Variants in MGAT4C observed in about 807,000 individuals in gnomAD.
MGAT4C encodes the protein alpha-1,3-mannosyl-glycoprotein 4-beta-N-acetylglucosaminyltransferase C.
Under a neutral mutation model 40.1 loss-of-function variants are expected in MGAT4C, and 19 were observed. That is an observed-to-expected ratio of 0.47 (90% CI 0.33 to 0.70). MGAT4C has a LOEUF of 0.70. MGAT4C is among the 30% of genes least tolerant of loss of function. The probability of loss-of-function intolerance (pLI) is 0.02; values close to 1 mark genes in which losing one functional copy is unlikely to be tolerated. For synonymous variants in MGAT4C, 181 were observed against 187.1 expected, an observed-to-expected ratio of 0.97 and a Z score of 0.27; for missense variants, 491 against 563.2, an observed-to-expected ratio of 0.87 and a Z score of 1.30.
chr12:86,115,815 A>G (rs1249613407), intron 1 of MGAT4C, among the ~76,000 whole-genome samples: 2 of 152,076 alleles, frequency 1.3e-5, no homozygotes, highest in African/African-American at 4.8e-5. Flanking sequence ...TTATTTATTG[A>G]ACATCTATCT....
intron 2 of MGAT4C, among the ~76,000 whole-genome samples, chr12:86,535,741 AC>A (rs532098808): frequency 6.6e-6 from 1 of 152,086 alleles, no homozygotes; most frequent in Non-Finnish European, 1.5e-5. Flanking sequence ...AAATGCAAAT[AC>A]CTACATAAAT....
intron 1 of MGAT4C, among the ~76,000 whole-genome samples, chr12:86,799,535 T>G (rs940747191): frequency 2.0e-5 from 3 of 151,970 alleles, no homozygotes; most frequent in Non-Finnish European, 4.4e-5. Flanking sequence ...AAACCATTAT[T>G]TATGATGCAC....
intron 1 of MGAT4C, among the ~76,000 whole-genome samples, chr12:86,075,298 C>A (rs2135527068): frequency 1.3e-5 from 2 of 152,302 alleles, no homozygotes; most frequent in East Asian, 3.9e-4. Context: ...AAAATGATCT[C>A]TCTTGACTCC....
intron 4 of MGAT4C, among the ~76,000 whole-genome samples, chr12:86,292,057 T>A (rs896118616): frequency 6.6e-5 from 10 of 152,172 alleles, no homozygotes; most frequent in Non-Finnish European, 1.5e-4. Flanking sequence ...TTCACCTCCT[T>A]AAGATAAAGA....
chr12:85,999,591 A>G (rs940274790), intron 2 of MGAT4C, among the ~76,000 whole-genome samples: 3,100 of 88,314 alleles, frequency 0.035, 93 homozygotes, highest in African/African-American at 0.091. Context: ...GTGTATATAT[A>G]TATATATATA....
At chr12:86,031,244 G>C (rs1017376735) in intron 2 of MGAT4C, among the ~76,000 whole-genome samples, 2 of 151,788 alleles carry the variant, frequency 1.3e-5, no homozygotes, top group African/African-American at 2.4e-5. Flanking sequence ...TGAGTGAATA[G>C]TAGATTCACA....
chr12:86,042,292 C>G (rs908362517), intron 2 of MGAT4C, among the ~76,000 whole-genome samples: 1 of 152,144 alleles, frequency 6.6e-6, no homozygotes, highest in African/African-American at 2.4e-5. Context: ...TTAATTCAGG[C>G]CTTTAGCCTG....
intron 2 of MGAT4C, among the ~76,000 whole-genome samples, chr12:86,648,653 A>G (rs1963613083): frequency 6.6e-6 from 1 of 151,910 alleles, no homozygotes; most frequent in Non-Finnish European, 1.5e-5. Flanking sequence ...AGGCACCTTG[A>G]TCTTGAACGT....
intron 2 of MGAT4C, among the ~76,000 whole-genome samples, chr12:86,472,426 T>C (rs1179586530): frequency 6.6e-6 from 1 of 152,140 alleles, no homozygotes; most frequent in East Asian, 1.9e-4. Context: ...CACAGTTATT[T>C]CTCTAACATC....
chr12:86,791,514 C>T (rs1478143853), intron 1 of MGAT4C, among the ~76,000 whole-genome samples: 1 of 150,502 alleles, frequency 6.6e-6, no homozygotes, highest in African/African-American at 2.4e-5. Flanking sequence ...AGAAAAAGTA[C>T]ATAAATTATA....
chr12:86,024,062 T>A (rs2136877191), intron 2 of MGAT4C, among the ~76,000 whole-genome samples: 1 of 152,084 alleles, frequency 6.6e-6, no homozygotes, highest in African/African-American at 2.4e-5. Flanking sequence ...CAATGACATA[T>A]TAATAGTGAT....
intron 2 of MGAT4C, among the ~76,000 whole-genome samples, chr12:86,622,240 G>A (rs1443097010): frequency 6.6e-6 from 1 of 152,124 alleles, no homozygotes; most frequent in African/African-American, 2.4e-5. Flanking sequence ...ATGGACTAAG[G>A]TTAAGAGATC....
At chr12:86,754,046 C>G (rs750945880) in intron 1 of MGAT4C, among the ~76,000 whole-genome samples, 2 of 152,102 alleles carry the variant, frequency 1.3e-5, no homozygotes, top group Non-Finnish European at 2.9e-5. Context: ...TGTAAGCATT[C>G]GTAGTAGCTC....
intron 2 of MGAT4C, among the ~76,000 whole-genome samples, chr12:86,024,939 T>A (rs1410520424): frequency 6.6e-6 from 1 of 151,700 alleles, no homozygotes; most frequent in African/African-American, 2.4e-5. Context: ...CCTCTTAAGT[T>A]TAGGATTAAA....
upstream of MGAT4C, among the ~76,000 whole-genome samples, chr12:86,258,896 G>A (rs535943684): frequency 5.3e-5 from 8 of 151,986 alleles, no homozygotes; most frequent in East Asian, 3.9e-4. Flanking sequence ...TCATACTAAC[G>A]TTGGACTAGA....
At chr12:86,305,351 A>C (rs2136144024) in intron 4 of MGAT4C, among the ~76,000 whole-genome samples, 1 of 150,018 alleles carries the variant, frequency 6.7e-6, no homozygotes, top group African/African-American at 2.5e-5. Context: ...AAGCAGGAGA[A>C]TCCCTTGAAC....
At chr12:86,820,536 TAAG>T (rs1377036753) in intron 1 of MGAT4C, among the ~76,000 whole-genome samples, 3 of 151,004 alleles carry the variant, frequency 2.0e-5, no homozygotes, top group African/African-American at 7.2e-5. Context: ...AATTTGCCTG[TAAG>T]AAGAAGAATC....
Position 86,785,810 on chromosome 12 carries a change from A to T in MGAT4C, c.-262+52856T>A, listed in dbSNP as rs566222352. Among the ~76,000 whole-genome samples, 3 of 151,636 alleles carry T rather than the reference A, an allele frequency of 2.0e-5. No individual in the cohort carries two copies. In the East Asian group the frequency reaches 5.8e-4, roughly 29 times the overall value. On this transcript the variant is annotated intron_variant, in intron 1 of 7. Transcript: ENST00000548651. ...ATAATGTAATATAATATAACATAAT[A>T]ATCTTTGGAAAAAAGCTCAGAATTT...
intron 4 of MGAT4C, among the ~76,000 whole-genome samples, chr12:86,295,328 G>A (rs1438583479): frequency 6.6e-6 from 1 of 152,154 alleles, no homozygotes; most frequent in East Asian, 1.9e-4. Flanking sequence ...TGGAATTGGT[G>A]GTTTGTTGGT....
Sources: allele counts gnomAD v4.1 joint callset (sites outside exome capture counted in the v4.1 genomes callset), GRCh38; gene constraint gnomAD v4.1.1; transcripts MANE v1.5; gene names NCBI Gene and HGNC (gene_info 2026-07-23, HGNC 2026-07-21).